FCRL3: variants seen among roughly 807,000 people sequenced by gnomAD.
The protein encoded by FCRL3 is Fc receptor like 3.
FCRL3 carries 89 observed loss-of-function variants against 75.0 expected under a neutral mutation model. The ratio of observed to expected loss-of-function variants is 1.19; its 90% CI spans 1.00 to 1.42. The LOEUF is 1.42. Among genes scored for constraint, FCRL3 ranks in the 40% most tolerant of loss-of-function variants. The pLI is 0.00. For missense variants in FCRL3, 946 were observed against 880.0 expected, an observed-to-expected ratio of 1.07 and a Z score of -0.95; for synonymous variants, 376 against 348.5, an observed-to-expected ratio of 1.08 and a Z score of -0.88.
intron 8 of FCRL3, among the ~76,000 whole-genome samples, chr1:157,693,685 CTCCTTCCTTCCTTCCT>C (rs753661568): frequency 6.6e-6 from 1 of 151,306 alleles, no homozygotes; most frequent in African/African-American, 2.4e-5. Flanking sequence ...TTTTCTTTCT[CTCCTTCCTTCCTTCCT>C]TCCTTCCTCC....
Position 157,677,006 on chromosome 1 carries a change from A to C in FCRL3, c.*1704T>G. 2 of 1,301,026 alleles carry C rather than the reference A, an allele frequency of 1.5e-6. No homozygotes were observed. The highest frequency in any genetic ancestry group is 2.0e-6 in the Non-Finnish European group (2 of 1,015,838). 80.6% of individuals were successfully genotyped at this position (1,301,026 alleles called of 1,614,324 possible). On this transcript the variant is annotated 3_prime_UTR_variant, in exon 15 of 15. Coordinates refer to ENST00000368184, the MANE Select transcript of FCRL3 (RefSeq NM_052939.4). Reference sequence around the variant, plus strand: ...AGAGACATTTGCCTCCTCCCTCTTCAAGGGACCTTAAAATTTTAATGCCAA... The same window carrying C: ...AGAGACATTTGCCTCCTCCCTCTTCCAGGGACCTTAAAATTTTAATGCCAA...
At chr1:157,690,149 G>A (rs1655423705) in intron 9 of FCRL3, 106 bp downstream of exon 9, 12 of 1,454,268 alleles carry the variant, frequency 8.3e-6, no homozygotes, top group South Asian at 1.4e-5. Context: ...AAGCCTTCGT[G>A]TGCATGTTCA....
In FCRL3 at chr1:157,677,687, A is replaced by G; in HGVS notation, c.*1023T>C. 1 of 788,366 alleles carries G rather than the reference A, an allele frequency of 1.3e-6. No homozygotes were observed. Among genetic ancestry groups the G allele is most frequent in the South Asian group, 5.8e-5 (1 of 17,236 alleles). The allele number at this position is 788,366 out of a possible 1,614,324, so 48.8% of individuals were successfully genotyped here. On this transcript the variant is annotated 3_prime_UTR_variant, in exon 15 of 15. Transcript: ENST00000368184. The stretch of plus-strand genomic sequence containing the variant: ...AAATGAACTATAGCAACACGCAACA[A>G]TATGGATGAATCTTAGAAATACAAC...
intron 10 of FCRL3, among the ~76,000 whole-genome samples, chr1:157,683,660 G>T (rs1423690433): frequency 6.6e-6 from 1 of 152,120 alleles, no homozygotes; most frequent in African/African-American, 2.4e-5. Context: ...TCACTAATAT[G>T]AATCAATGGG....
chr1:157,688,541 G>A (rs1459574343), intron 10 of FCRL3, among the ~76,000 whole-genome samples: 1 of 151,028 alleles, frequency 6.6e-6, no homozygotes, highest in East Asian at 1.9e-4. Flanking sequence ...CAAAAAATCA[G>A]TAAGGATATA....
At chr1:157,690,638 G>C in intron 8 of FCRL3, 105 bp from the exon 9 acceptor site, 1 of 1,387,992 alleles carries the variant, frequency 7.2e-7, no homozygotes. Flanking sequence ...ACATGCACCT[G>C]GATTCTGGAG....
At chr1:157,684,450 C>G (rs527730719) in intron 10 of FCRL3, among the ~76,000 whole-genome samples, 125 of 152,202 alleles carry the variant, frequency 8.2e-4, no homozygotes, top group Non-Finnish European at 1.5e-3. Flanking sequence ...CCTGAATCTC[C>G]TCAGAGCAAT....
chr1:157,698,703 C>CTA, intron 3 of FCRL3, 74 bp from the exon 4 acceptor site: 7 of 1,508,840 alleles, frequency 4.6e-6, no homozygotes, highest in Non-Finnish European at 6.4e-6. Flanking sequence ...GGAGCCCAAC[C>CTA]TACAGTCAGG....
intron 10 of FCRL3, among the ~76,000 whole-genome samples, chr1:157,687,832 T>C (rs1655268187): frequency 1.3e-5 from 2 of 151,684 alleles, no homozygotes; most frequent in South Asian, 4.2e-4. Context: ...ACCTATTGGG[T>C]ACTATGCTTA....
At chr1:157,683,548 T>G (rs1418361446) in intron 10 of FCRL3, among the ~76,000 whole-genome samples, 2 of 152,098 alleles carry the variant, frequency 1.3e-5, no homozygotes, top group African/African-American at 4.8e-5. Context: ...GGTGCTCCCC[T>G]CAAACCCACT....
chr1:157,694,751 G>A (rs1235182961), intron 8 of FCRL3, among the ~76,000 whole-genome samples: 2 of 152,114 alleles, frequency 1.3e-5, no homozygotes, highest in East Asian at 3.9e-4. Context: ...CAGATTAAAT[G>A]AGACCCAATC....
chr1:157,699,780 ACTT>A, intron 2 of FCRL3, 68 bp from the exon 3 acceptor site: 1 of 1,549,070 alleles, frequency 6.5e-7, no homozygotes. Flanking sequence ...AACCACAACC[ACTT>A]CTTTTGTTTT....
At chr1:157,695,253 A>C in intron 8 of FCRL3, 76 bp downstream of exon 8, 3 of 1,459,064 alleles carry the variant, frequency 2.1e-6, no homozygotes, top group South Asian at 2.6e-5. Flanking sequence ...ACCAGCAAAT[A>C]GCCCAGTGGA....
At chr1:157,692,815 A>G (rs1317216876) in intron 8 of FCRL3, among the ~76,000 whole-genome samples, 1 of 152,214 alleles carries the variant, frequency 6.6e-6, no homozygotes, top group Non-Finnish European at 1.5e-5. Flanking sequence ...AACTTATGCT[A>G]TGGAGATAAT....
At chr1:157,679,155 T>C in intron 13 of FCRL3, 182 bp from the exon 14 acceptor site, 1 of 675,254 alleles carries the variant, frequency 1.5e-6, no homozygotes. Flanking sequence ...CTTGATTTGC[T>C]TGATCTCTTG....
At position 157,677,369 on chromosome 1, in the gene FCRL3, C is replaced by T. The variant is rs1571181026; in HGVS notation, c.*1341G>A. 1 of 985,872 alleles carries T rather than the reference C, an allele frequency of 1.0e-6. No homozygotes were observed. Among genetic ancestry groups the T allele is most frequent in the Non-Finnish European group, 1.2e-6 (1 of 830,290 alleles). 61.1% of individuals were successfully genotyped at this position (985,872 alleles called of 1,614,324 possible). The stretch of plus-strand genomic sequence containing the variant: ...ATATTGATTAGAGGAAGATGTGGTG[C>T]TTTGAAAGGGACTTGGTGTTCCTAC... On this transcript the variant is annotated 3_prime_UTR_variant, in exon 15 of 15. Coordinates refer to ENST00000368184, the MANE Select transcript of FCRL3 (RefSeq NM_052939.4).
intron 3 of FCRL3, among the ~76,000 whole-genome samples, chr1:157,699,386 T>C (rs1050154592): frequency 2.6e-5 from 4 of 152,058 alleles, no homozygotes; most frequent in African/African-American, 4.8e-5. Context: ...GAGGGAGATG[T>C]ACTAGAGAAT....
In FCRL3 at chr1:157,677,498, C is replaced by T. The variant is rs941809551; in HGVS notation, c.*1212G>A. On this transcript the variant is annotated 3_prime_UTR_variant, in exon 15 of 15. Coordinates refer to ENST00000368184, the MANE Select transcript of FCRL3 (RefSeq NM_052939.4). ...GGTGTTCAGAGATATTTGGAAACAT[C>T]AGGATTTCAGAATGGAGGTGAAGTC... is the stretch of plus-strand genomic sequence containing the variant. 22 of 985,264 alleles carry T rather than the reference C, an allele frequency of 2.2e-5. No homozygotes were observed. The Admixed American group carries it at 8.0e-4, about 36-fold the overall frequency. 61.0% of individuals were successfully genotyped at this position (985,264 alleles called of 1,614,324 possible). A position where few individuals can be genotyped will look rare whatever the true frequency, so the allele number is the denominator to read the frequency against.
Position 157,695,552 on chromosome 1 carries a change from C to T in FCRL3, c.1188G>A (p.Val396=). 6.2e-7 allele frequency: 1 copy of T among 1,614,082 alleles called. No homozygotes were observed. Among genetic ancestry groups the T allele is most frequent in the South Asian group, 1.1e-5 (1 of 91,082 alleles). The change falls in exon 8 of 15, where the codon GTG becomes GTA. Residue 396 remains valine, a synonymous_variant. Coordinates refer to ENST00000368184, the MANE Select transcript of FCRL3 (RefSeq NM_052939.4). ...TFRAPRAHTV[V]GDLLELHCES... ...CACAGTGAAGCTCCAGCAGGTCCCCCACCACAGTGTGGGCCCTGGGAGCCC... is the reference window on the plus strand; with the variant it reads ...CACAGTGAAGCTCCAGCAGGTCCCCTACCACAGTGTGGGCCCTGGGAGCCC...
Sources: allele counts gnomAD v4.1 joint callset (sites outside exome capture counted in the v4.1 genomes callset), GRCh38; gene constraint gnomAD v4.1.1; transcripts MANE v1.5; gene names NCBI Gene and HGNC (gene_info 2026-07-23, HGNC 2026-07-21).